Variants in CDH1 observed in about 807,000 individuals in gnomAD.
The protein encoded by CDH1 is cadherin 1, also known as cadherin-1.
In CDH1, 35 loss-of-function variants were observed where a neutral mutation model predicts 84.5. The observed-to-expected ratio is 0.41, with a 90% confidence interval of 0.32 to 0.55. The LOEUF is 0.55. CDH1 is among the 20% of genes least tolerant of loss of function. The pLI is 0.19. For missense variants in CDH1, 994 were observed against 1,126.6 expected (o/e 0.88, Z 1.68); for synonymous variants, 417 against 439.0 (o/e 0.95, Z 0.63).
chr16:68,778,669 G>T (rs780567409), intron 2 of CDH1, among the ~76,000 whole-genome samples: 2 of 152,152 alleles, frequency 1.3e-5, no homozygotes, highest in Non-Finnish European at 2.9e-5. Flanking sequence ...AGGCAGGCAG[G>T]CCGGTTTTCC....
intron 2 of CDH1, among the ~76,000 whole-genome samples, chr16:68,787,350 C>T (rs992576477): frequency 1.1e-4 from 17 of 152,148 alleles, no homozygotes; most frequent in East Asian, 5.8e-4. Flanking sequence ...TTAAGCCTTT[C>T]GCCTCAGTTG....
intron 10 of CDH1, among the ~76,000 whole-genome samples, chr16:68,816,936 T>C (rs760417280): frequency 4.6e-5 from 7 of 152,196 alleles, no homozygotes; most frequent in Non-Finnish European, 2.9e-5. Flanking sequence ...CCCTGGATTG[T>C]ACAGTTTCCA....
At chr16:68,786,520 C>CTT (rs1323536677) in intron 2 of CDH1, among the ~76,000 whole-genome samples, 3 of 77,526 alleles carry the variant, frequency 3.9e-5, no homozygotes, top group African/African-American at 1.0e-4. Flanking sequence ...TTTCTGCTTT[C>CTT]TTTTTTTTTT....
chr16:68,800,864 A>G (rs143880066), intron 2 of CDH1, among the ~76,000 whole-genome samples: 290 of 152,212 alleles, frequency 1.9e-3, no homozygotes, highest in African/African-American at 5.8e-3. Context: ...TTTACCTATT[A>G]CCACTGCCTG....
chr16:68,773,056 G>T (rs1280355073), intron 2 of CDH1, among the ~76,000 whole-genome samples: 1 of 152,194 alleles, frequency 6.6e-6, no homozygotes, highest in East Asian at 1.9e-4. Context: ...TCTCTAAAGG[G>T]TTGTGGCTTG....
At chr16:68,821,925 G>C (rs1301884145) in intron 11 of CDH1, 76 bp from the exon 12 acceptor site, 1 of 1,160,922 alleles carries the variant, frequency 8.6e-7, no homozygotes, top group African/African-American at 1.5e-5. Context: ...ACAAGATCTA[G>C]ACTTGGTCTG....
In CDH1 at chr16:68,781,767, G is replaced by GC. The variant is rs1293362783; in HGVS notation, c.164-19898dup. 5.9e-5 allele frequency among the ~76,000 whole-genome samples: 9 copies of GC among 152,196 alleles called. No homozygotes were observed. In the East Asian group the frequency reaches 1.7e-3, roughly 29 times the overall value. ...TTACAGGCCTGAGCAATCATGCCGGGCCCCCTCAGTATATCTTTAATCCCT... is the reference window on the plus strand; with the variant it reads ...TTACAGGCCTGAGCAATCATGCCGGGCCCCCCTCAGTATATCTTTAATCCCT... On this transcript the variant is annotated intron_variant, in intron 2 of 15. Coordinates refer to ENST00000261769, the MANE Select transcript of CDH1 (RefSeq NM_004360.5).
intron 2 of CDH1, among the ~76,000 whole-genome samples, chr16:68,773,847 G>T (rs1959651582): frequency 6.6e-6 from 1 of 152,234 alleles, no homozygotes; most frequent in African/African-American, 2.4e-5. Context: ...AACAAGTTAT[G>T]TGGACAAAGA....
chr16:68,757,327 C>T (rs1963041010), intron 2 of CDH1, among the ~76,000 whole-genome samples: 1 of 152,140 alleles, frequency 6.6e-6, no homozygotes, highest in African/African-American at 2.4e-5. Flanking sequence ...GTGATCCGCC[C>T]ACCTTGGCCT....
At position 68,801,898 on chromosome 16, in the gene CDH1, G is replaced by A. The variant is rs113055163; in HGVS notation, c.387+5G>A. 61 of 1,612,180 alleles carry A rather than the reference G, an allele frequency of 3.8e-5. 1 individual carries two copies. The highest frequency in any genetic ancestry group is 3.6e-4 in the African/African-American group (27 of 75,016). On this transcript the variant is annotated splice_donor_5th_base_variant and intron_variant, in intron 3 of 15. Transcript: ENST00000261769. Reference sequence around the variant, plus strand: ...CACCGCCCCCCGCCCCATCAGGTATGTTGGCATTTTTCTGAGAAGTTCGCT... The same window carrying A: ...CACCGCCCCCCGCCCCATCAGGTATATTGGCATTTTTCTGAGAAGTTCGCT...
At chr16:68,740,823 C>G (rs1021670075) in intron 2 of CDH1, among the ~76,000 whole-genome samples, 3 of 152,064 alleles carry the variant, frequency 2.0e-5, no homozygotes, top group African/African-American at 7.2e-5. Flanking sequence ...AGGGTGGGCA[C>G]TGTTATTCTT....
At chr16:68,832,500 CTTTA>C (rs1011887738) in intron 15 of CDH1, among the ~76,000 whole-genome samples, 1 of 151,234 alleles carries the variant, frequency 6.6e-6, no homozygotes, top group African/African-American at 2.5e-5. Flanking sequence ...AATAAATATA[CTTTA>C]TTTATTTCAT....
chr16:68,748,277 T>G (rs1040180237), intron 2 of CDH1, among the ~76,000 whole-genome samples: 2 of 151,994 alleles, frequency 1.3e-5, no homozygotes, highest in Non-Finnish European at 2.9e-5. Context: ...CACACCTGGC[T>G]AACTTTGTTT....
At chr16:68,753,418 C>T (rs1042708593) in intron 2 of CDH1, among the ~76,000 whole-genome samples, 80 of 151,724 alleles carry the variant, frequency 5.3e-4, no homozygotes, top group African/African-American at 1.8e-3. Context: ...GCAATCTTGG[C>T]TCACTGCAAC....
intron 2 of CDH1, among the ~76,000 whole-genome samples, chr16:68,780,007 G>A (rs1432992007): frequency 6.6e-6 from 1 of 152,152 alleles, no homozygotes; most frequent in East Asian, 1.9e-4. Context: ...TCTACAATGA[G>A]GCTCCAGCTA....
chr16:68,760,083 TATA>T (rs1469450490), intron 2 of CDH1, among the ~76,000 whole-genome samples: 5 of 106,472 alleles, frequency 4.7e-5, no homozygotes, highest in South Asian at 3.0e-4. Context: ...TCCATATATA[TATA>T]TTTTTTTTTT....
intron 2 of CDH1, among the ~76,000 whole-genome samples, chr16:68,759,526 G>C (rs1266032825): frequency 7.5e-6 from 1 of 132,842 alleles, no homozygotes; most frequent in East Asian, 2.2e-4. Flanking sequence ...ATTTTGCTCT[G>C]TTGCCTGGGC....
rs1567474014 is a variant in CDH1 at position 68,743,345 on chromosome 16, T to TTCTG, written c.163+4937_163+4938insGTCT. ...TTTCTTTCTTTCTTTCTTTCTTTCT[T>TTCTG]TCTTTCTTTCTTTCTTTCTTTTCTT... is the stretch of plus-strand genomic sequence containing the variant. On this transcript the variant is annotated intron_variant, in intron 2 of 15. Coordinates refer to ENST00000261769, the MANE Select transcript of CDH1 (RefSeq NM_004360.5). Among the ~76,000 whole-genome samples, 5 of 21,934 alleles carry TTCTG rather than the reference T, an allele frequency of 2.3e-4. 1 individual carries two copies. The highest frequency in any genetic ancestry group is 4.4e-4 in the Non-Finnish European group (4 of 9,076). 14.4% of individuals were successfully genotyped at this position (21,934 alleles called of 152,430 possible). A position where few individuals can be genotyped will look rare whatever the true frequency, so the allele number is the denominator to read the frequency against.
Position 68,816,041 on chromosome 16 carries a change from G to C in CDH1, c.1565+282G>C, listed in dbSNP as rs571288596. Reference sequence around the variant, plus strand: ...CATACTATTGTGTTTTTTTGAGTTTGGAGTCTCACTTTGTCGCCCAGGCTA... The same window carrying C: ...CATACTATTGTGTTTTTTTGAGTTTCGAGTCTCACTTTGTCGCCCAGGCTA... On this transcript the variant is annotated intron_variant, in intron 10 of 15. Coordinates refer to ENST00000261769, the MANE Select transcript of CDH1 (RefSeq NM_004360.5). Among the ~76,000 whole-genome samples the C allele has an allele frequency of 2.0e-5, 3 of 152,138 alleles. 1 individual carries two copies. In the South Asian group the frequency reaches 6.2e-4, roughly 32 times the overall value.
Sources: gnomAD v4.1 joint callset for allele counts (sites outside exome capture counted in the v4.1 genomes callset) on GRCh38, gnomAD v4.1.1 for gene constraint, MANE v1.5 for transcripts, NCBI Gene and HGNC (gene_info 2026-07-23, HGNC 2026-07-21) for gene names.